Variants in KCNK2 observed in about 807,000 individuals in gnomAD.
KCNK2 encodes the protein potassium channel subfamily K member 2.
In KCNK2, 21 loss-of-function variants were observed where a neutral mutation model predicts 40.5. The ratio of observed to expected loss-of-function variants is 0.52; its 90% CI spans 0.37 to 0.75. The LOEUF (loss-of-function observed/expected upper bound fraction) is 0.75. KCNK2 is among the 30% of genes least tolerant of loss of function. The pLI is 0.00. For synonymous variants in KCNK2, 191 were observed against 202.2 expected (o/e 0.94, Z 0.47); for missense variants, 399 against 531.6 (o/e 0.75, Z 2.45).
intron 5 of KCNK2, among the ~76,000 whole-genome samples, chr1:215,180,070 T>G (rs1366192363): frequency 3.3e-5 from 5 of 152,192 alleles, no homozygotes; most frequent in Non-Finnish European, 5.9e-5. Context: ...TTTAGGATAG[T>G]TAAGTCTTCT....
intron 3 of KCNK2, among the ~76,000 whole-genome samples, chr1:215,135,691 T>C (rs1382328136): frequency 6.6e-6 from 1 of 152,046 alleles, no homozygotes; most frequent in East Asian, 1.9e-4. Flanking sequence ...TAATTTTTAT[T>C]TTAATTTAAT....
At chr1:215,219,575 C>G (rs1286079797) in intron 6 of KCNK2, among the ~76,000 whole-genome samples, 1 of 152,144 alleles carries the variant, frequency 6.6e-6, no homozygotes, top group Admixed American at 6.6e-5. Flanking sequence ...AATTTTGATT[C>G]ATCCCATGAC....
Position 215,067,375 on chromosome 1 carries a change from T to G in KCNK2, c.35-18993T>G, listed in dbSNP as rs115015684. Among the ~76,000 whole-genome samples the G allele has an allele frequency of 4.1e-3, 627 of 152,256 alleles. 2 individuals carry two copies. Among genetic ancestry groups the G allele is most frequent in the African/African-American group, 0.015 (605 of 41,538 alleles). On this transcript the variant is annotated intron_variant, in intron 1 of 6. Transcript: ENST00000391895. Reference sequence around the variant, plus strand: ...AAATAGTTTGAGAATCTACCATGCATTAGACATTGAGAACACAAGTATTAG... The same window carrying G: ...AAATAGTTTGAGAATCTACCATGCAGTAGACATTGAGAACACAAGTATTAG...
intron 1 of KCNK2, among the ~76,000 whole-genome samples, chr1:215,042,648 T>C (rs1251991834): frequency 6.6e-6 from 1 of 152,246 alleles, no homozygotes; most frequent in Non-Finnish European, 1.5e-5. Context: ...TCACTGGCAC[T>C]ATTGCTTGAT....
At chr1:215,144,702 T>C (rs968276684) in intron 3 of KCNK2, among the ~76,000 whole-genome samples, 9 of 152,142 alleles carry the variant, frequency 5.9e-5, no homozygotes, top group African/African-American at 2.2e-4. Context: ...TTAATGATTT[T>C]GCTTAAAAAA....
At chr1:215,087,909 T>C (rs1297424047) in intron 2 of KCNK2, among the ~76,000 whole-genome samples, 1 of 152,220 alleles carries the variant, frequency 6.6e-6, no homozygotes, top group Non-Finnish European at 1.5e-5. Context: ...TATTGAAAGA[T>C]ATCAAAACTA....
intron 6 of KCNK2, among the ~76,000 whole-genome samples, chr1:215,209,992 TATAATATATA>T (rs1665644309): frequency 2.3e-4 from 1 of 4,384 alleles, no homozygotes; most frequent in East Asian, 6.9e-3. Context: ...ATATATAATA[TATAATATATA>T]TTATATATAA....
intron 6 of KCNK2, among the ~76,000 whole-genome samples, chr1:215,201,307 T>A (rs1442193673): frequency 1.3e-5 from 2 of 152,140 alleles, no homozygotes; most frequent in African/African-American, 4.8e-5. Flanking sequence ...ATAAAATCGA[T>A]GAATAAAGTA....
At chr1:215,014,669 AC>A (rs1656522973) in intron 1 of KCNK2, among the ~76,000 whole-genome samples, 2 of 152,068 alleles carry the variant, frequency 1.3e-5, no homozygotes, top group Non-Finnish European at 2.9e-5. Context: ...GAATTAAGAA[AC>A]CACATCCAGC....
intron 1 of KCNK2, among the ~76,000 whole-genome samples, chr1:215,011,260 A>C (rs1419404054): frequency 6.6e-6 from 1 of 152,102 alleles, no homozygotes; most frequent in African/African-American, 2.4e-5. Flanking sequence ...ATTTTAGTAT[A>C]AATGAAATCA....
chr1:215,202,776 A>C (rs747327792), intron 6 of KCNK2, among the ~76,000 whole-genome samples: 1 of 152,226 alleles, frequency 6.6e-6, no homozygotes, highest in Non-Finnish European at 1.5e-5. Context: ...CTAATAAGGA[A>C]GCAGAAACAC....
intron 1 of KCNK2, among the ~76,000 whole-genome samples, chr1:215,057,427 G>A (rs1658207543): frequency 6.6e-6 from 1 of 152,140 alleles, no homozygotes; most frequent in African/African-American, 2.4e-5. Context: ...ATGGCTTTGG[G>A]TGTGACAGCT....
intron 1 of KCNK2, among the ~76,000 whole-genome samples, chr1:215,045,944 A>G (rs1309819844): frequency 7.5e-6 from 1 of 133,020 alleles, no homozygotes; most frequent in Non-Finnish European, 1.7e-5. Context: ...AAACACAGAC[A>G]CATAGTATAT....
rs561175454 is a variant in KCNK2, at chr1:215,189,449, G to C, written c.824-5504G>C. Among the ~76,000 whole-genome samples, 58 of 152,200 alleles carry C rather than the reference G, an allele frequency of 3.8e-4. 2 individuals carry two copies. In the South Asian group the frequency reaches 0.011, roughly 28 times the overall value. ...CTATATACTGTTCCATCTTTATAAAGGATGAGTGAGTGACATCATGTGTTG... is the reference window on the plus strand; with the variant it reads ...CTATATACTGTTCCATCTTTATAAACGATGAGTGAGTGACATCATGTGTTG... On this transcript the variant is annotated intron_variant, in intron 5 of 6. Transcript: ENST00000444842.
At chr1:215,007,181 GTGGGTA>G (rs1440258952) in intron 1 of KCNK2, among the ~76,000 whole-genome samples, 3 of 64,440 alleles carry the variant, frequency 4.7e-5, no homozygotes, top group African/African-American at 8.0e-5. Flanking sequence ...ATGTATGTGT[GTGGGTA>G]TATATATATA....
chr1:215,093,302 A>G (rs540969461), intron 2 of KCNK2, among the ~76,000 whole-genome samples: 2 of 146,604 alleles, frequency 1.4e-5, no homozygotes, highest in Non-Finnish European at 3.0e-5. Context: ...TTTAAGGGCC[A>G]TTTAAAAGAA....
chr1:215,219,550 C>T (rs1666089323), intron 6 of KCNK2, among the ~76,000 whole-genome samples: 1 of 152,152 alleles, frequency 6.6e-6, no homozygotes, highest in African/African-American at 2.4e-5. Context: ...TCATTGCATC[C>T]ATCAGGTGAT....
At chr1:215,041,948 G>A (rs1657581931) in intron 1 of KCNK2, among the ~76,000 whole-genome samples, 1 of 152,194 alleles carries the variant, frequency 6.6e-6, no homozygotes. Flanking sequence ...CATGGCAAAA[G>A]GGGAAGGAGG....
At chr1:215,080,755 T>A (rs1659123926), upstream of KCNK2, among the ~76,000 whole-genome samples, 1 of 152,190 alleles carries the variant, frequency 6.6e-6, no homozygotes, top group Non-Finnish European at 1.5e-5. Flanking sequence ...CTGGCCAGGA[T>A]TCCAGGGAAA....
Sources: gnomAD v4.1 joint callset for allele counts (sites outside exome capture counted in the v4.1 genomes callset) on GRCh38, gnomAD v4.1.1 for gene constraint, MANE v1.5 for transcripts, NCBI Gene and HGNC (gene_info 2026-07-23, HGNC 2026-07-21) for gene names.